The following CACNA1E variants were observed in gnomAD, a reference collection of about 807,000 sequenced individuals.
The protein encoded by CACNA1E is calcium voltage-gated channel subunit alpha1 E, also known as voltage-dependent R-type calcium channel subunit alpha-1E.
In CACNA1E, 40 loss-of-function variants were observed where a neutral mutation model predicts 259.2. The observed-to-expected ratio is 0.15, with a 90% CI of 0.12 to 0.20. The LOEUF (loss-of-function observed/expected upper bound fraction) is 0.20, where lower values mean the gene tolerates loss of function less well. Ranked by LOEUF, CACNA1E falls within the 10% of genes least tolerant of loss-of-function variation. The pLI, the probability that CACNA1E is intolerant of heterozygous loss-of-function variation, is 1.00. For synonymous variants in CACNA1E, 1,104 were observed against 1,138.5 expected, an observed-to-expected ratio of 0.97 and a Z score of 0.61; for missense variants, 1,874 against 3,040.1, an observed-to-expected ratio of 0.62 and a Z score of 9.02.
At chr1:181,555,135 A>C (rs1293118558) in intron 3 of CACNA1E, among the ~76,000 whole-genome samples, 1 of 152,222 alleles carries the variant, frequency 6.6e-6, no homozygotes. Flanking sequence ...TACTAGTATT[A>C]TCTCCTATCC....
intron 1 of CACNA1E, among the ~76,000 whole-genome samples, chr1:181,394,195 T>G (rs1178750586): frequency 6.6e-6 from 1 of 152,194 alleles, no homozygotes; most frequent in Non-Finnish European, 1.5e-5. Flanking sequence ...AGACCTGGGT[T>G]CAAATCAGAG....
intron 1 of CACNA1E, among the ~76,000 whole-genome samples, chr1:181,325,668 AATTTTT>A (rs1276811691): frequency 1.6e-4 from 21 of 129,686 alleles, no homozygotes; most frequent in African/African-American, 5.8e-4. Flanking sequence ...TTTATTTTTA[AATTTTT>A]ATTTTTATTT....
At chr1:181,706,927 T>C (rs1352049098) in intron 7 of CACNA1E, among the ~76,000 whole-genome samples, 1 of 152,254 alleles carries the variant, frequency 6.6e-6, no homozygotes, top group East Asian at 1.9e-4. Flanking sequence ...TACATGAACA[T>C]TAGCTGTTCT....
chr1:181,352,770 G>A (rs562125009), intron 1 of CACNA1E, among the ~76,000 whole-genome samples: 3 of 152,282 alleles, frequency 2.0e-5, no homozygotes, highest in Admixed American at 6.5e-5. Flanking sequence ...GCTCTTGACT[G>A]TAAGTGCCTG....
At chr1:181,691,682 G>C (rs1651172467) in intron 7 of CACNA1E, among the ~76,000 whole-genome samples, 1 of 151,966 alleles carries the variant, frequency 6.6e-6, no homozygotes, top group Non-Finnish European at 1.5e-5. Context: ...AATAATAAGA[G>C]CCAGCTGTGA....
chr1:181,333,317 C>T (rs769722125), intron 1 of CACNA1E, among the ~76,000 whole-genome samples: 2 of 152,164 alleles, frequency 1.3e-5, no homozygotes, highest in Non-Finnish European at 2.9e-5. Context: ...TCCTCTGTGC[C>T]CATCTTCTGG....
intron 6 of CACNA1E, among the ~76,000 whole-genome samples, chr1:181,644,312 T>G (rs563964254): frequency 6.6e-6 from 1 of 152,316 alleles, no homozygotes; most frequent in South Asian, 2.1e-4. Flanking sequence ...ATAAGTTGCT[T>G]GGATCCTCAG....
intron 3 of CACNA1E, among the ~76,000 whole-genome samples, chr1:181,562,599 C>G (rs1240899075): frequency 6.6e-6 from 1 of 152,104 alleles, no homozygotes; most frequent in Non-Finnish European, 1.5e-5. Flanking sequence ...CTTTCACTTT[C>G]GGAGGTCACG....
At position 181,718,048 on chromosome 1, in the gene CACNA1E, CT is replaced by C; in HGVS notation, c.1526-5del. On this transcript the variant is annotated splice_region_variant and splice_polypyrimidine_tract_variant and intron_variant, in intron 11 of 47. Coordinates refer to ENST00000367573, the MANE Select transcript of CACNA1E (RefSeq NM_001205293.3). ...TGGAACCAATGCTCTACTTTTAATA[CT>C]TCCAGACTATGCAGAATTTCTGTTT... 6.9e-7 allele frequency: 1 copy of C among 1,451,594 alleles called. No individual in the cohort carries two copies. Among genetic ancestry groups the C allele is most frequent in the Non-Finnish European group, 9.7e-7 (1 of 1,033,158 alleles). 89.9% of individuals were successfully genotyped at this position (1,451,594 alleles called of 1,614,324 possible).
intron 1 of CACNA1E, among the ~76,000 whole-genome samples, chr1:181,349,699 G>T (rs1316965322): frequency 6.6e-6 from 1 of 152,022 alleles, no homozygotes; most frequent in Non-Finnish European, 1.5e-5. Context: ...GGCCTGTGTA[G>T]GGAGGACTCC....
intron 41 of CACNA1E, 95 bp from the exon 42 acceptor site, chr1:181,785,223 C>T: frequency 2.7e-6 from 2 of 750,592 alleles, no homozygotes; most frequent in Non-Finnish European, 4.7e-6. Context: ...ATAGCACAGA[C>T]CTGTTCCAGA....
chr1:181,548,142 T>C (rs1647714724), intron 3 of CACNA1E, among the ~76,000 whole-genome samples: 1 of 151,552 alleles, frequency 6.6e-6, no homozygotes, highest in African/African-American at 2.4e-5. Context: ...TTTTTTTTTT[T>C]GAGTCAGGGT....
At chr1:181,327,013 C>G (rs921571780) in intron 1 of CACNA1E, among the ~76,000 whole-genome samples, 1 of 152,184 alleles carries the variant, frequency 6.6e-6, no homozygotes, top group Non-Finnish European at 1.5e-5. Flanking sequence ...CTCCTTTGCA[C>G]TCCCTTGGCA....
chr1:181,760,068 G>A (rs1395563461), intron 32 of CACNA1E, among the ~76,000 whole-genome samples: 1 of 152,190 alleles, frequency 6.6e-6, no homozygotes, highest in Non-Finnish European at 1.5e-5. Flanking sequence ...GCCCTGAGCA[G>A]GGGGAGCTGA....
chr1:181,402,907 T>A (rs528681776), intron 1 of CACNA1E, among the ~76,000 whole-genome samples: 1 of 152,390 alleles, frequency 6.6e-6, no homozygotes, highest in Admixed American at 6.5e-5. Flanking sequence ...ACTAGCTATG[T>A]GACCTTGGGT....
chr1:181,539,636 G>A (rs1668433608), intron 3 of CACNA1E, among the ~76,000 whole-genome samples: 1 of 152,178 alleles, frequency 6.6e-6, no homozygotes, highest in South Asian at 2.1e-4. Context: ...GTCCCGCAAG[G>A]TCTGAGTCCC....
chr1:181,675,375 C>A (rs1649264470), intron 7 of CACNA1E, among the ~76,000 whole-genome samples: 1 of 152,140 alleles, frequency 6.6e-6, no homozygotes, highest in Non-Finnish European at 1.5e-5. Flanking sequence ...CCAGTAGGGA[C>A]ATGCTGTGCT....
chr1:181,487,545 C>G (rs574112885), intron 1 of CACNA1E, among the ~76,000 whole-genome samples: 48 of 152,320 alleles, frequency 3.2e-4, no homozygotes, highest in Middle Eastern at 6.8e-3. Context: ...ATACCATACT[C>G]TTTTTAAAAA....
At chr1:181,495,736 G>A (rs1233257242) in intron 1 of CACNA1E, among the ~76,000 whole-genome samples, 1 of 152,166 alleles carries the variant, frequency 6.6e-6, no homozygotes, top group Non-Finnish European at 1.5e-5. Flanking sequence ...TGCTTTGCCT[G>A]CCTTATAAGA....
Sources: gnomAD v4.1 joint callset for allele counts (sites outside exome capture counted in the v4.1 genomes callset) on GRCh38, gnomAD v4.1.1 for gene constraint, MANE v1.5 for transcripts, NCBI Gene and HGNC (gene_info 2026-07-23, HGNC 2026-07-21) for gene names.